The following CSMD3 variants were observed in gnomAD, a reference collection of about 807,000 sequenced individuals.
The protein encoded by CSMD3 is CUB and sushi domain-containing protein 3.
Under a neutral mutation model 435.2 loss-of-function variants are expected in CSMD3, and 177 were observed. That is an observed-to-expected ratio of 0.41 (90% CI 0.36 to 0.46). The LOEUF (loss-of-function observed/expected upper bound fraction) is 0.46. CSMD3 is among the 20% of genes least tolerant of loss of function. CSMD3 has a pLI of 0.34. For synonymous variants in CSMD3, 1,656 were observed against 1,520.5 expected (o/e 1.09, Z -2.07); for missense variants, 4,265 against 4,504.6 (o/e 0.95, Z 1.52).
At chr8:112,372,942 T>C (rs979337373) in intron 38 of CSMD3, among the ~76,000 whole-genome samples, 7 of 119,460 alleles carry the variant, frequency 5.9e-5, no homozygotes, top group Admixed American at 2.7e-4. Context: ...GCAGGGCATG[T>C]CTGTGTAGTA....
intron 16 of CSMD3, among the ~76,000 whole-genome samples, chr8:112,679,256 T>C (rs549297837): frequency 3.3e-5 from 5 of 152,062 alleles, no homozygotes; most frequent in Admixed American, 3.3e-4. Context: ...AGTTATAGAG[T>C]TGACAGCAGT....
chr8:113,312,880 G>A (rs1212646321), intron 2 of CSMD3: 1 of 152,132 alleles, frequency 6.6e-6, no homozygotes, highest in African/African-American at 2.4e-5. Context: ...GTTTATGTAT[G>A]AGTTTACAAT....
intron 4 of CSMD3, among the ~76,000 whole-genome samples, chr8:113,152,571 A>C (rs1257673695): frequency 6.6e-6 from 1 of 152,110 alleles, no homozygotes; most frequent in Non-Finnish European, 1.5e-5. Context: ...AATTAACAAC[A>C]ATGATATAAA....
chr8:113,153,564 C>G (rs1459703602), intron 4 of CSMD3, among the ~76,000 whole-genome samples: 2 of 151,976 alleles, frequency 1.3e-5, no homozygotes, highest in African/African-American at 2.4e-5. Flanking sequence ...CAGAGGCAAT[C>G]TGAATCACTA....
chr8:112,789,000 C>T (rs777501041), intron 13 of CSMD3, among the ~76,000 whole-genome samples: 6 of 152,108 alleles, frequency 3.9e-5, no homozygotes, highest in Non-Finnish European at 7.4e-5. Context: ...TCAAAAAATT[C>T]CCACACAAAA....
At chr8:113,391,779 T>C (rs1323757585) in intron 1 of CSMD3, among the ~76,000 whole-genome samples, 1 of 151,560 alleles carries the variant, frequency 6.6e-6, no homozygotes, top group Non-Finnish European at 1.5e-5. Context: ...AAAAAGAACA[T>C]GGCAATGATT....
chr8:113,355,471 T>C (rs749965533), intron 1 of CSMD3, among the ~76,000 whole-genome samples: 3 of 151,880 alleles, frequency 2.0e-5, no homozygotes, highest in Non-Finnish European at 2.9e-5. Flanking sequence ...TCTTGCTGTA[T>C]CCTTACATGG....
chr8:113,256,111 T>C (rs894750429), intron 3 of CSMD3, among the ~76,000 whole-genome samples: 1 of 151,890 alleles, frequency 6.6e-6, no homozygotes, highest in African/African-American at 2.4e-5. Context: ...GACAAAGAGA[T>C]TTCATGAGAA....
intron 5 of CSMD3, among the ~76,000 whole-genome samples, chr8:113,091,455 T>C (rs1588055733): frequency 6.6e-6 from 1 of 152,220 alleles, no homozygotes; most frequent in East Asian, 1.9e-4. Flanking sequence ...TTACTTGTTA[T>C]TGGTCTGTTC....
chr8:113,423,928 A>T (rs1301261623), intron 1 of CSMD3, among the ~76,000 whole-genome samples: 1 of 151,876 alleles, frequency 6.6e-6, no homozygotes, highest in African/African-American at 2.4e-5. Flanking sequence ...CATAGTTCTG[A>T]TCTTACATTA....
Position 112,817,535 on chromosome 8 carries a change from T to C in CSMD3, c.1859+12151A>G, listed in dbSNP as rs922898895. Among the ~76,000 whole-genome samples, 11 of 152,120 alleles carry C rather than the reference T, an allele frequency of 7.2e-5. 1 individual carries two copies. The highest frequency in any genetic ancestry group is 3.9e-4 in the Admixed American group (6 of 15,254). Reference sequence around the variant, plus strand: ...GAATTATTATCAAATGTCAAGTTCATATTCTGATCTCTATTGACTTTTGTC... The same window carrying C: ...GAATTATTATCAAATGTCAAGTTCACATTCTGATCTCTATTGACTTTTGTC... On this transcript the variant is annotated intron_variant, in intron 12 of 70. Coordinates refer to ENST00000297405, the MANE Select transcript of CSMD3 (RefSeq NM_198123.2).
chr8:113,114,903 A>G (rs2090776025), intron 4 of CSMD3, among the ~76,000 whole-genome samples: 1 of 152,218 alleles, frequency 6.6e-6, no homozygotes, highest in Non-Finnish European at 1.5e-5. Context: ...TGGGAAATCA[A>G]GGAGAGCGTG....
intron 5 of CSMD3, among the ~76,000 whole-genome samples, chr8:113,066,150 AAAAG>A (rs1045748583): frequency 5.3e-5 from 8 of 151,200 alleles, no homozygotes; most frequent in Admixed American, 2.0e-4. Flanking sequence ...AAAAGAAAGA[AAAAG>A]AAAGGACAAA....
At chr8:112,406,171 A>G (rs1831839231) in intron 35 of CSMD3, among the ~76,000 whole-genome samples, 1 of 152,144 alleles carries the variant, frequency 6.6e-6, no homozygotes, top group Non-Finnish European at 1.5e-5. Flanking sequence ...TGTACCCACA[A>G]CAATTAAAAA....
At chr8:113,250,302 T>G (rs1413739854) in intron 3 of CSMD3, among the ~76,000 whole-genome samples, 2 of 152,026 alleles carry the variant, frequency 1.3e-5, no homozygotes, top group African/African-American at 4.8e-5. Flanking sequence ...TTATTAGAAT[T>G]TAGTCCATTA....
At chr8:112,744,503 A>G (rs1270524373) in intron 13 of CSMD3, among the ~76,000 whole-genome samples, 5 of 152,072 alleles carry the variant, frequency 3.3e-5, no homozygotes, top group Non-Finnish European at 7.4e-5. Flanking sequence ...AATATAAAAT[A>G]CCTATTTTAT....
intron 2 of CSMD3, among the ~76,000 whole-genome samples, chr8:113,301,007 T>A (rs530023519): frequency 3.5e-4 from 53 of 152,276 alleles, no homozygotes; most frequent in African/African-American, 1.1e-3. Context: ...ATGATATATA[T>A]TTTATAAATC....
chr8:112,516,236 TTGCTTACAGTG>T (rs1313194350), intron 28 of CSMD3, among the ~76,000 whole-genome samples: 15 of 152,122 alleles, frequency 9.9e-5, no homozygotes, highest in Non-Finnish European at 2.9e-5. Context: ...TTCTCCCAAG[TTGCTTACAGTG>T]TGGTAAGAGA....
At chr8:113,435,699 A>G (rs113550444) in intron 1 of CSMD3, among the ~76,000 whole-genome samples, 7 of 151,526 alleles carry the variant, frequency 4.6e-5, no homozygotes, top group African/African-American at 1.7e-4. Context: ...TCGAGCTGCC[A>G]TGAGTATGGA....
Sources: allele counts gnomAD v4.1 joint callset (sites outside exome capture counted in the v4.1 genomes callset), GRCh38; gene constraint gnomAD v4.1.1; transcripts MANE v1.5; gene names NCBI Gene and HGNC (gene_info 2026-07-23, HGNC 2026-07-21).